Variants in SORT1 observed in about 807,000 individuals in gnomAD.
SORT1 encodes sortilin.
SORT1 carries 39 observed loss-of-function variants against 101.7 expected under a neutral mutation model. That is an observed-to-expected ratio of 0.38 (90% CI 0.30 to 0.50). The LOEUF is 0.50. SORT1 is among the 20% of genes least tolerant of loss of function. The pLI is 0.90. For missense variants in SORT1, 878 were observed against 1,040.4 expected (o/e 0.84, Z 2.15); for synonymous variants, 396 against 393.7 (o/e 1.01, Z -0.07).
rs144973301 is a variant in SORT1, at chr1:109,336,298, G to A, written c.1313C>T (p.Thr438Met). Reference sequence around the variant, plus strand: ...ACTGTTTTCAGGCTTCCTCAGGTGCGTCCACCTTCCTCCTTGGTCAAAAGT... The same window carrying A: ...ACTGTTTTCAGGCTTCCTCAGGTGCATCCACCTTCCTCCTTGGTCAAAAGT... ...MITFDQGGRW[T>M]HLRKPENSEC... The change falls in exon 11 of 20, where the codon ACG becomes ATG. Residue 438 changes from threonine to methionine, a missense_variant. By Grantham distance (81) the Thr-to-Met change is moderately conservative. Transcript: ENST00000256637. 233 of 1,613,470 alleles carry A rather than the reference G, an allele frequency of 1.4e-4. No individual in the cohort carries two copies. Among genetic ancestry groups the A allele is most frequent in the Admixed American group, 7.5e-4 (45 of 60,022 alleles).
chr1:109,356,004 T>G (rs891077422), intron 3 of SORT1, among the ~76,000 whole-genome samples: 1 of 152,124 alleles, frequency 6.6e-6, no homozygotes, highest in Non-Finnish European at 1.5e-5. Flanking sequence ...CCCGAGTAGC[T>G]GGAATTACAG....
chr1:109,370,066 A>T (rs539389996), intron 1 of SORT1, among the ~76,000 whole-genome samples: 1 of 152,352 alleles, frequency 6.6e-6, no homozygotes, highest in African/African-American at 2.4e-5. Context: ...AGCTCACTCA[A>T]AAATGACAAC....
At chr1:109,396,600 G>C (rs1653187059) in intron 1 of SORT1, among the ~76,000 whole-genome samples, 1 of 152,214 alleles carries the variant, frequency 6.6e-6, no homozygotes, top group South Asian at 2.1e-4. Context: ...GCAGTCCAAA[G>C]GGAGACTGAG....
intron 3 of SORT1, among the ~76,000 whole-genome samples, chr1:109,358,531 T>G (rs1419893344): frequency 1.3e-5 from 2 of 152,160 alleles, no homozygotes; most frequent in African/African-American, 4.8e-5. Flanking sequence ...AAGTAAACAG[T>G]TAAAATGCTG....
intron 1 of SORT1, 155 bp downstream of exon 1, chr1:109,397,432 C>A: frequency 2.7e-6 from 1 of 374,050 alleles, no homozygotes; most frequent in Non-Finnish European, 3.7e-6. Context: ...CCCGACTCCG[C>A]CCGCCCGCCC....
intron 3 of SORT1, chr1:109,366,886 T>C (rs1651126100): frequency 6.7e-6 from 1 of 148,866 alleles, no homozygotes; most frequent in South Asian, 2.2e-4. Context: ...CTCTCCAGCC[T>C]GAGTGACAGA....
chr1:109,390,659 A>C (rs1194221069), intron 1 of SORT1, among the ~76,000 whole-genome samples: 4 of 152,062 alleles, frequency 2.6e-5, no homozygotes. Flanking sequence ...AAGTTAATAC[A>C]AATTTTCCTT....
intron 1 of SORT1, among the ~76,000 whole-genome samples, chr1:109,373,450 C>A (rs78755434): frequency 4.5e-4 from 68 of 152,304 alleles, no homozygotes; most frequent in African/African-American, 1.6e-3. Context: ...AGGAAACTAC[C>A]TGAGGCCAGG....
At chr1:109,323,255 A>G (rs1414885453) in intron 14 of SORT1, 134 bp from the exon 15 acceptor site, 1 of 620,268 alleles carries the variant, frequency 1.6e-6, no homozygotes, top group African/African-American at 1.8e-5. Flanking sequence ...TCATTTTGGA[A>G]TTGCAAACAA....
At chr1:109,323,315 A>G (rs182009396) in intron 14 of SORT1, among the ~76,000 whole-genome samples, 194 bp from the exon 15 acceptor site, 2 of 152,362 alleles carry the variant, frequency 1.3e-5, no homozygotes, top group Admixed American at 1.3e-4. Context: ...CCTCATGCCA[A>G]AAGAGTATTC....
At chr1:109,346,927 C>T (rs1456449543) in intron 7 of SORT1, among the ~76,000 whole-genome samples, 2 of 152,206 alleles carry the variant, frequency 1.3e-5, no homozygotes, top group African/African-American at 4.8e-5. Flanking sequence ...CCTGCTGTCT[C>T]AGCCTCCCAA....
chr1:109,327,263 C>T (rs974831561), intron 12 of SORT1, 103 bp from the exon 13 acceptor site: 4 of 1,066,892 alleles, frequency 3.7e-6, no homozygotes, highest in African/African-American at 1.6e-5. Flanking sequence ...GATTATTTCC[C>T]ATCAAGCCTC....
chr1:109,393,048 A>C, intron 1 of SORT1: 1 of 985,410 alleles, frequency 1.0e-6, no homozygotes, highest in Non-Finnish European at 1.2e-6. Context: ...CGGGTGTTAC[A>C]AAGGTCTGGC....
At chr1:109,339,801 T>G (rs1055559856) in intron 10 of SORT1, among the ~76,000 whole-genome samples, 1 of 152,160 alleles carries the variant, frequency 6.6e-6, no homozygotes, top group African/African-American at 2.4e-5. Context: ...CATGGCAGCA[T>G]TCAGTATTCA....
chr1:109,334,155 GA>G (rs981111915), intron 11 of SORT1, among the ~76,000 whole-genome samples: 1 of 151,430 alleles, frequency 6.6e-6, no homozygotes, highest in African/African-American at 2.4e-5. Context: ...TTAAAAAAAA[GA>G]AAAAAAAGAA....
At chr1:109,392,218 T>C (rs1652957439) in intron 1 of SORT1, among the ~76,000 whole-genome samples, 1 of 152,156 alleles carries the variant, frequency 6.6e-6, no homozygotes, top group African/African-American at 2.4e-5. Context: ...CATTACAACT[T>C]GGTGCTAAGC....
chr1:109,372,792 C>T (rs1050609257), intron 1 of SORT1, among the ~76,000 whole-genome samples: 2 of 150,902 alleles, frequency 1.3e-5, no homozygotes, highest in South Asian at 2.1e-4. Context: ...CCAGCTACTC[C>T]GGAGGCTGAG....
intron 3 of SORT1, 151 bp downstream of exon 3, chr1:109,367,257 A>G: frequency 3.6e-6 from 2 of 559,168 alleles, no homozygotes; most frequent in South Asian, 2.6e-5. Context: ...AACAACAAAA[A>G]CATGTGCTGA....
In SORT1 at chr1:109,340,618, T is replaced by G. The variant is rs979425762; in HGVS notation, c.1264+106A>C. ...AACAAAAAAATGTACATGGGTAGGC[T>G]TGTTGGCTTGGCAAGCAACATTACT... On this transcript the variant is annotated intron_variant, in intron 10 of 19. Coordinates refer to ENST00000256637, the MANE Select transcript of SORT1 (RefSeq NM_002959.7). The G allele has an allele frequency of 2.6e-6, 3 of 1,142,220 alleles. No individual in the cohort carries two copies. The South Asian group carries it at 4.0e-5, about 15-fold the overall frequency. The allele number at this position is 1,142,220 out of a possible 1,614,324, so 70.8% of individuals were successfully genotyped here. A position where few individuals can be genotyped will look rare whatever the true frequency, so the allele number is the denominator to read the frequency against.
Sources: gnomAD v4.1 joint callset for allele counts (sites outside exome capture counted in the v4.1 genomes callset) on GRCh38, gnomAD v4.1.1 for gene constraint, MANE v1.5 for transcripts, NCBI Gene and HGNC (gene_info 2026-07-23, HGNC 2026-07-21) for gene names.